MIR2052HG: variants seen among roughly 807,000 people sequenced by gnomAD.
MIR2052HG encodes the protein MIR2052 host gene.
intron 2 of MIR2052HG, among the ~76,000 whole-genome samples, chr8:74,622,377 G>T (rs1031587227): frequency 1.3e-5 from 2 of 152,308 alleles, no homozygotes; most frequent in African/African-American, 2.4e-5. Flanking sequence ...GCTGAGGCAG[G>T]TGGATAGCTT....
At chr8:74,749,627 G>A (rs971596664) in intron 4 of MIR2052HG, among the ~76,000 whole-genome samples, 3 of 152,024 alleles carry the variant, frequency 2.0e-5, no homozygotes, top group African/African-American at 7.2e-5. Context: ...GAGGTGGGTG[G>A]ATCTTGAGGT....
intron 2 of MIR2052HG, among the ~76,000 whole-genome samples, chr8:74,653,088 T>G (rs1808770249): frequency 6.6e-6 from 1 of 152,226 alleles, no homozygotes; most frequent in African/African-American, 2.4e-5. Flanking sequence ...TTCTTCTGCT[T>G]CTTTTCACAA....
intron 5 of MIR2052HG, among the ~76,000 whole-genome samples, chr8:74,754,755 C>T (rs1047214388): frequency 3.3e-5 from 5 of 152,166 alleles, no homozygotes; most frequent in African/African-American, 7.2e-5. Flanking sequence ...GAGTTAGGTA[C>T]ACTTTCAGTC....
chr8:74,725,911 G>A (rs775769093), intron 4 of MIR2052HG, among the ~76,000 whole-genome samples: 14 of 152,072 alleles, frequency 9.2e-5, no homozygotes, highest in Non-Finnish European at 1.9e-4. Context: ...AAAACAGTCA[G>A]CTACTGTCTA....
chr8:74,622,041 A>G (rs538398575), intron 2 of MIR2052HG, among the ~76,000 whole-genome samples: 1 of 152,322 alleles, frequency 6.6e-6, no homozygotes, highest in South Asian at 2.1e-4. Flanking sequence ...CAAAAGCAGA[A>G]AGAGACAAAC....
rs553591806 is a variant in MIR2052HG, at chr8:74,732,626, T to C, written n.372-19815T>C. Among the ~76,000 whole-genome samples the C allele has an allele frequency of 3.3e-5, 5 of 152,300 alleles. No homozygotes were observed. The East Asian group carries it at 7.7e-4, about 23-fold the overall frequency. ...TAAAAATAAAGCTGGGAAAAGATGA[T>C]AGCCAGTGAAAGGTAGCTTGGAAGA... On this transcript the variant is annotated intron_variant and non_coding_transcript_variant, in intron 4 of 6. Transcript: ENST00000523442.
chr8:74,611,362 TTGG>T (rs1330918656), intron 1 of MIR2052HG, among the ~76,000 whole-genome samples: 5 of 152,124 alleles, frequency 3.3e-5, no homozygotes, highest in African/African-American at 9.6e-5. Context: ...TTATATACTG[TTGG>T]TGGAAATATA....
chr8:74,721,635 C>A (rs1157733767), intron 4 of MIR2052HG, among the ~76,000 whole-genome samples: 1 of 152,202 alleles, frequency 6.6e-6, no homozygotes, highest in Non-Finnish European at 1.5e-5. Context: ...CTTCTTACAG[C>A]CTGAAAGCTG....
At chr8:74,631,434 T>A (rs1296790276) in intron 2 of MIR2052HG, among the ~76,000 whole-genome samples, 2 of 152,242 alleles carry the variant, frequency 1.3e-5, no homozygotes, top group Non-Finnish European at 2.9e-5. Flanking sequence ...ACTTGATTTG[T>A]TTTTTATTCT....
At chr8:74,731,628 C>T (rs532623151) in intron 4 of MIR2052HG, among the ~76,000 whole-genome samples, 2 of 152,032 alleles carry the variant, frequency 1.3e-5, no homozygotes, top group Admixed American at 6.6e-5. Context: ...TATTTAAATG[C>T]CAGCATGCAG....
In MIR2052HG at chr8:74,725,069, A is replaced by T. The variant is rs1158088821; in HGVS notation, n.371+21387A>T. Among the ~76,000 whole-genome samples, 6 of 152,240 alleles carry T rather than the reference A, an allele frequency of 3.9e-5. No individual in the cohort carries two copies. In the East Asian group the frequency reaches 1.2e-3, roughly 29 times the overall value. On this transcript the variant is annotated intron_variant and non_coding_transcript_variant, in intron 4 of 6. Coordinates refer to ENST00000523442, the Ensembl canonical transcript of MIR2052HG. ...ATTAAATCCCCTGGTGCAAGAACAA[A>T]AGAAGAATAGAAGAATATAGAATGG...
intron 2 of MIR2052HG, among the ~76,000 whole-genome samples, chr8:74,632,750 TATC>T (rs563256655): frequency 2.0e-5 from 3 of 152,288 alleles, no homozygotes; most frequent in African/African-American, 7.2e-5. Flanking sequence ...GTGAGATAAT[TATC>T]ATGGGAACTG....
intron 2 of MIR2052HG, among the ~76,000 whole-genome samples, chr8:74,696,313 C>G (rs1369303196): frequency 6.6e-6 from 1 of 152,040 alleles, no homozygotes; most frequent in Non-Finnish European, 1.5e-5. Context: ...CTCTGGGATA[C>G]AGCAAAGGCA....
intron 2 of MIR2052HG, among the ~76,000 whole-genome samples, chr8:74,657,671 A>T (rs1218662943): frequency 6.6e-6 from 1 of 152,234 alleles, no homozygotes; most frequent in Non-Finnish European, 1.5e-5. Context: ...CTCACATGGC[A>T]GCAGACAAGA....
intron 4 of MIR2052HG, among the ~76,000 whole-genome samples, chr8:74,748,541 A>G (rs577990649): frequency 1.3e-5 from 2 of 152,274 alleles, no homozygotes; most frequent in African/African-American, 4.8e-5. Context: ...TTCTGCTGTT[A>G]TTTTTATGTT....
intron 1 of MIR2052HG, among the ~76,000 whole-genome samples, chr8:74,602,382 T>C (rs1052583181): frequency 2.0e-5 from 3 of 152,190 alleles, no homozygotes; most frequent in African/African-American, 7.2e-5. Flanking sequence ...GTTCCAGAGA[T>C]TGCCTGCCCC....
intron 4 of MIR2052HG, among the ~76,000 whole-genome samples, chr8:74,720,950 A>T (rs978164586): frequency 6.6e-6 from 1 of 152,164 alleles, no homozygotes; most frequent in Non-Finnish European, 1.5e-5. Context: ...AACTGCTCCC[A>T]TGATCCAGTC....
intron 5 of MIR2052HG, among the ~76,000 whole-genome samples, chr8:74,754,737 C>A (rs914204250): frequency 2.6e-5 from 4 of 152,156 alleles, no homozygotes; most frequent in Non-Finnish European, 5.9e-5. Flanking sequence ...AAAGGAAGAG[C>A]AGCTACTGAG....
At chr8:74,636,196 T>A (rs1808579473) in intron 2 of MIR2052HG, among the ~76,000 whole-genome samples, 1 of 152,170 alleles carries the variant, frequency 6.6e-6, no homozygotes, top group Non-Finnish European at 1.5e-5. Context: ...TAGAGGGGGA[T>A]CCAGAAGGTT....
Sources: gnomAD v4.1 joint callset for allele counts (sites outside exome capture counted in the v4.1 genomes callset) on GRCh38, gnomAD v4.1.1 for gene constraint, MANE v1.5 for transcripts, NCBI Gene and HGNC (gene_info 2026-07-23, HGNC 2026-07-21) for gene names.